Variants in NDRG4 observed in about 807,000 individuals in gnomAD.
NDRG4 encodes NDRG family member 4, also known as protein NDRG4.
In NDRG4, 38 loss-of-function variants were observed where a neutral mutation model predicts 55.8. The observed-to-expected ratio is 0.68, with a 90% CI of 0.53 to 0.89. The LOEUF is 0.89. NDRG4 is among the 40% of genes least tolerant of loss of function. The pLI is 0.00. For synonymous variants in NDRG4, 190 were observed against 182.7 expected (o/e 1.04, Z -0.32); for missense variants, 455 against 468.6 (o/e 0.97, Z 0.27).
At chr16:58,496,187 G>T (rs762202365), upstream of NDRG4, among the ~76,000 whole-genome samples, 7 of 152,122 alleles carry the variant, frequency 4.6e-5, no homozygotes, top group Non-Finnish European at 1.0e-4. Flanking sequence ...TGGGGGACAG[G>T]CAGAGGGGAA....
At position 58,512,466 on chromosome 16, in the gene NDRG4, G is replaced by GC; in HGVS notation, c.*895dup. On this transcript the variant is annotated 3_prime_UTR_variant, in exon 15 of 15. Coordinates refer to ENST00000570248, the MANE Select transcript of NDRG4 (RefSeq NM_001242835.2). Reference sequence around the variant, plus strand: ...CTGAGTTCCTGGAGACCCCTTTTTTGCCCCCAGGTTCCCCAGAGGGCAACG... The same window carrying GC: ...CTGAGTTCCTGGAGACCCCTTTTTTGCCCCCCAGGTTCCCCAGAGGGCAACG... 4.1e-6 allele frequency: 1 copy of GC among 242,596 alleles called. No individual in the cohort carries two copies. 15.0% of individuals were successfully genotyped at this position (242,596 alleles called of 1,614,324 possible).
chr16:58,510,700 TC>T lies in NDRG4; in HGVS notation c.904+21del. 1 of 1,535,532 alleles carries T rather than the reference TC, an allele frequency of 6.5e-7. No homozygotes were observed. Among genetic ancestry groups the T allele is most frequent in the Non-Finnish European group, 8.7e-7 (1 of 1,146,488 alleles). Reference sequence around the variant, plus strand: ...GAGGAGCAGGTAGCCCCACGGCCCTTCCCCTGATGCATGGACGCCCAGCCTC... The same window carrying T: ...GAGGAGCAGGTAGCCCCACGGCCCTTCCCTGATGCATGGACGCCCAGCCTC... On this transcript the variant is annotated intron_variant, in intron 14 of 14. Coordinates refer to ENST00000570248, the MANE Select transcript of NDRG4 (RefSeq NM_001242835.2).
Position 58,512,050 on chromosome 16 carries a change from A to T in NDRG4, c.*474A>T. On this transcript the variant is annotated 3_prime_UTR_variant, in exon 15 of 15. Transcript: ENST00000570248. ...CACACCTGTTTCTGTCTCATAGCAC[A>T]TGTGACAATCATCTGGACAACAGCC... The T allele has an allele frequency of 2.2e-6, 1 of 457,544 alleles. No homozygotes were observed. Among genetic ancestry groups the T allele is most frequent in the South Asian group, 1.5e-5 (1 of 64,578 alleles). The allele number at this position is 457,544 out of a possible 1,614,324, so 28.3% of individuals were successfully genotyped here. A position where few individuals can be genotyped will look rare whatever the true frequency, so the allele number is the denominator to read the frequency against.
rs1453431489 is a variant in NDRG4 at position 58,512,291 on chromosome 16, G to A, written c.*715G>A. 7 of 352,722 alleles carry A rather than the reference G, an allele frequency of 2.0e-5. No homozygotes were observed. The highest frequency in any genetic ancestry group is 6.5e-5 in the African/African-American group (3 of 46,132). 21.8% of individuals were successfully genotyped at this position (352,722 alleles called of 1,614,324 possible). On this transcript the variant is annotated 3_prime_UTR_variant, in exon 15 of 15. Transcript: ENST00000570248. ...CCCAATTCTGAGCCAAGGCCTCCCCGAGGCAGAAGTTGCCTGGTCCTCTGT... is the reference window on the plus strand; with the variant it reads ...CCCAATTCTGAGCCAAGGCCTCCCCAAGGCAGAAGTTGCCTGGTCCTCTGT...
At position 58,512,365 on chromosome 16, in the gene NDRG4, T is replaced by C. The variant is rs942246571; in HGVS notation, c.*789T>C. 7 of 311,366 alleles carry C rather than the reference T, an allele frequency of 2.2e-5. No homozygotes were observed. The highest frequency in any genetic ancestry group is 1.2e-4 in the South Asian group (5 of 41,984). The allele number at this position is 311,366 out of a possible 1,614,324, so 19.3% of individuals were successfully genotyped here. On this transcript the variant is annotated 3_prime_UTR_variant, in exon 15 of 15. Coordinates refer to ENST00000570248, the MANE Select transcript of NDRG4 (RefSeq NM_001242835.2). ...TGAGGGAGAAGGAGGAGAGAGCCCA[T>C]GTGTGGTGTGTGTGCCCCTGAGAAC...
intron 1 of NDRG4, among the ~76,000 whole-genome samples, chr16:58,474,002 G>A (rs2033237318): frequency 6.9e-6 from 1 of 145,218 alleles, no homozygotes; most frequent in Non-Finnish European, 1.5e-5. Context: ...CAGCCACCCT[G>A]GTTTTTTCAC....
At chr16:58,502,533 C>T (rs2037305626) in intron 1 of NDRG4, among the ~76,000 whole-genome samples, 1 of 152,152 alleles carries the variant, frequency 6.6e-6, no homozygotes, top group African/African-American at 2.4e-5. Flanking sequence ...CAGTGGTCCT[C>T]TGAGACCAGA....
chr16:58,508,071 G>A, intron 10 of NDRG4, 72 bp downstream of exon 10: 1 of 1,404,494 alleles, frequency 7.1e-7, no homozygotes, highest in South Asian at 1.4e-5. Context: ...CTGCCCAGCA[G>A]GGACAATTCT....
intron 1 of NDRG4, among the ~76,000 whole-genome samples, chr16:58,482,747 C>CCCTTCCTTCTTTCCTT (rs2076033128): frequency 3.6e-5 from 5 of 136,994 alleles, no homozygotes; most frequent in Admixed American, 7.6e-5. Flanking sequence ...CTTCCTCCCT[C>CCCTTCCTTCTTTCCTT]CCTTCCTTCT....
chr16:58,485,113 G>A (rs1348902822), intron 1 of NDRG4, among the ~76,000 whole-genome samples: 1 of 152,012 alleles, frequency 6.6e-6, no homozygotes, highest in Non-Finnish European at 1.5e-5. Flanking sequence ...CTTAACTCCT[G>A]ACCTCGTGAT....
At chr16:58,470,188 A>G (rs1397913208) in intron 1 of NDRG4, among the ~76,000 whole-genome samples, 1 of 152,242 alleles carries the variant, frequency 6.6e-6, no homozygotes, top group Non-Finnish European at 1.5e-5. Context: ...TCTGTTTTTA[A>G]AAACAAAAAA....
chr16:58,498,799 A>G (rs17241140), upstream of NDRG4, among the ~76,000 whole-genome samples: 35,212 of 152,058 alleles, frequency 0.23, 4,878 homozygotes, highest in Middle Eastern at 0.32. Flanking sequence ...GCAGTTGTGC[A>G]GTTATCGTGG....
chr16:58,480,300 T>C (rs190586867), intron 1 of NDRG4, among the ~76,000 whole-genome samples: 1 of 152,330 alleles, frequency 6.6e-6, no homozygotes, highest in African/African-American at 2.4e-5. Flanking sequence ...TTTGAATTTT[T>C]AGTAGAAACA....
At chr16:58,466,274 C>T (rs1287284281) in intron 1 of NDRG4, among the ~76,000 whole-genome samples, 1 of 152,222 alleles carries the variant, frequency 6.6e-6, no homozygotes, top group African/African-American at 2.4e-5. Flanking sequence ...CCCCTGCCTC[C>T]TAAAGTGCTG....
chr16:58,500,712 C>T, intron 1 of NDRG4: 2 of 422,152 alleles, frequency 4.7e-6, no homozygotes, highest in East Asian at 3.7e-5. Context: ...CTTGGTGAGC[C>T]CCCGAGGCTG....
At chr16:58,484,290 T>G (rs1023601486) in intron 1 of NDRG4, among the ~76,000 whole-genome samples, 3 of 152,008 alleles carry the variant, frequency 2.0e-5, no homozygotes, top group African/African-American at 7.2e-5. Context: ...GGAGAATCAC[T>G]TGAACCCAGG....
Position 58,513,168 on chromosome 16 carries a change from A to ACGTG in NDRG4, c.*1592_*1593insCGTG, listed in dbSNP as rs1555490231. On this transcript the variant is annotated 3_prime_UTR_variant, in exon 15 of 15. Coordinates refer to ENST00000570248, the MANE Select transcript of NDRG4 (RefSeq NM_001242835.2). ...GTATCTATAAATATCTATACATTAT[A>ACGTG]TGTGTGTGTGTGTGTGTGTGTGTGT... 6.0e-5 allele frequency: 9 copies of ACGTG among 150,256 alleles called. No individual in the cohort carries two copies. The highest frequency in any genetic ancestry group is 2.2e-4 in the African/African-American group (9 of 40,590). The allele number at this position is 150,256 out of a possible 1,614,324, so 9.3% of individuals were successfully genotyped here.
At chr16:58,463,727 C>T (rs1229042641) in exon 1 of NDRG4, 1 of 150,298 alleles carries the variant, frequency 6.7e-6, no homozygotes, top group Non-Finnish European at 1.5e-5. Flanking sequence ...CTGCCCGCAC[C>T]TGCACCCGCG....
chr16:58,472,481 C>T, intron 1 of NDRG4, among the ~76,000 whole-genome samples: 1 of 152,190 alleles, frequency 6.6e-6, no homozygotes, highest in South Asian at 2.1e-4. Context: ...TGACCCCGCA[C>T]TGGGGCCCGG....
Sources: allele counts gnomAD v4.1 joint callset (sites outside exome capture counted in the v4.1 genomes callset), GRCh38; gene constraint gnomAD v4.1.1; transcripts MANE v1.5; gene names NCBI Gene and HGNC (gene_info 2026-07-23, HGNC 2026-07-21).